ZNF106: variants seen among roughly 807,000 people sequenced by gnomAD.
The protein encoded by ZNF106 is zinc finger protein 106.
A neutral mutation model predicts 195.1 loss-of-function variants in ZNF106; 67 were observed. The ratio of observed to expected loss-of-function variants is 0.34; its 90% CI spans 0.28 to 0.42. ZNF106 has a LOEUF of 0.42. ZNF106 is among the 10% of genes least tolerant of loss of function. The pLI is 1.00. For synonymous variants in ZNF106, 784 were observed against 818.6 expected, an observed-to-expected ratio of 0.96 and a Z score of 0.72; for missense variants, 2,118 against 2,304.5, an observed-to-expected ratio of 0.92 and a Z score of 1.66.
At chr15:42,428,505 T>G (rs544410821) in intron 14 of ZNF106, among the ~76,000 whole-genome samples, 1 of 152,322 alleles carries the variant, frequency 6.6e-6, no homozygotes, top group East Asian at 1.9e-4. Context: ...AGTTATATAT[T>G]TGATAAATGC....
intron 21 of ZNF106, among the ~76,000 whole-genome samples, 193 bp downstream of exon 21, chr15:42,417,612 G>A (rs576086357): frequency 2.6e-5 from 4 of 151,986 alleles, no homozygotes; most frequent in African/African-American, 9.7e-5. Context: ...TTCTCTTTAG[G>A]CCCTTTCTCA....
At chr15:42,456,343 T>C (rs746636815) in intron 4 of ZNF106, among the ~76,000 whole-genome samples, 4 of 152,174 alleles carry the variant, frequency 2.6e-5, no homozygotes, top group Non-Finnish European at 2.9e-5. Flanking sequence ...AAAAACTTAT[T>C]GGTATTCAAA....
In ZNF106 at chr15:42,425,012, A is replaced by G. The variant is rs1270821396; in HGVS notation, c.5012T>C (p.Leu1671Pro). The stretch of plus-strand genomic sequence containing the variant: ...AGGGCCATGGCATTCAAAGATCTCA[A>G]GTCGTTTGTTGTTCTGGAAAATAAG... ...VTFNIKNNKR[L>P]EIFECHGPRA... Residue 1671 changes from leucine to proline, a missense_variant, in exon 16 of 22, where the codon CTT (leucine) becomes CCT (proline). Physicochemically the swap from Leu to Pro is moderately conservative, Grantham distance 98 (BLOSUM62 -3). Transcript: ENST00000564754. 1 of 1,614,024 alleles carries G rather than the reference A, an allele frequency of 6.2e-7. No homozygotes were observed.
At chr15:42,464,683 T>C (rs1342307562) in intron 3 of ZNF106, among the ~76,000 whole-genome samples, 1 of 151,976 alleles carries the variant, frequency 6.6e-6, no homozygotes, top group Non-Finnish European at 1.5e-5. Context: ...CATACCACTA[T>C]GCCCAGCTAA....
Position 42,433,004 on chromosome 15 carries a change from T to C in ZNF106, c.4881+2380A>G, listed in dbSNP as rs367892082. Among the ~76,000 whole-genome samples, 5 of 152,240 alleles carry C rather than the reference T, an allele frequency of 3.3e-5. No homozygotes were observed. In the South Asian group the frequency reaches 8.3e-4, roughly 25 times the overall value. On this transcript the variant is annotated intron_variant, in intron 14 of 21. Coordinates refer to ENST00000564754, the MANE Select transcript of ZNF106 (RefSeq NM_001366845.3). ...TCACATTTCATATAATTATTAAATA[T>C]GGGTAAATTTAGGTCTCCAATTTGC...
intron 10 of ZNF106, 104 bp downstream of exon 10, chr15:42,441,969 T>C: frequency 3.6e-6 from 3 of 831,768 alleles, no homozygotes; most frequent in Non-Finnish European, 5.7e-6. Context: ...TAGTTGTACT[T>C]GCTCATTTTA....
intron 1 of ZNF106, among the ~76,000 whole-genome samples, chr15:42,485,395 C>T (rs2056990366): frequency 6.6e-6 from 1 of 152,202 alleles, no homozygotes; most frequent in Admixed American, 6.5e-5. Flanking sequence ...CAATATCATG[C>T]TGTTACAACA....
chr15:42,430,355 TG>T (rs2055005549), intron 14 of ZNF106, among the ~76,000 whole-genome samples: 1 of 152,054 alleles, frequency 6.6e-6, no homozygotes, highest in African/African-American at 2.4e-5. Flanking sequence ...GCTTGTTTTT[TG>T]TCAATGTATG....
chr15:42,437,126 C>G, intron 13 of ZNF106, 106 bp downstream of exon 13: 2 of 1,227,002 alleles, frequency 1.6e-6, no homozygotes, highest in Non-Finnish European at 2.3e-6. Flanking sequence ...TCAGGCCCAC[C>G]CCTTCCTTCA....
chr15:42,464,522 CTTTT>C (rs928173954), intron 3 of ZNF106, among the ~76,000 whole-genome samples: 4 of 113,466 alleles, frequency 3.5e-5, no homozygotes, highest in South Asian at 5.8e-4. Context: ...ACACATGCTA[CTTTT>C]TTTTTTTTTT....
chr15:42,448,824 G>GCC (rs2055872154), intron 5 of ZNF106, 119 bp from the exon 6 acceptor site: 3 of 984,990 alleles, frequency 3.0e-6, no homozygotes, highest in Non-Finnish European at 4.4e-6. Flanking sequence ...GGTGGCTCTT[G>GCC]CCTTCAAGGG....
chr15:42,447,983 T>C lies in ZNF106; in HGVS notation c.3135+89A>G, dbSNP rs2055832646. The C allele has an allele frequency of 2.8e-6, 4 of 1,415,138 alleles. 1 individual carries two copies. In the East Asian group the frequency reaches 9.2e-5, roughly 32 times the overall value. The allele number at this position is 1,415,138 out of a possible 1,614,324, so 87.7% of individuals were successfully genotyped here. On this transcript the variant is annotated intron_variant, in intron 6 of 21. Coordinates refer to ENST00000564754, the MANE Select transcript of ZNF106 (RefSeq NM_001366845.3). Reference sequence around the variant, plus strand: ...AAGTTGAGAGAATCACAATCCCAGATACCCAAGAAAAACAGTTGAACCTTT... The same window carrying C: ...AAGTTGAGAGAATCACAATCCCAGACACCCAAGAAAAACAGTTGAACCTTT...
At chr15:42,436,695 T>A (rs2055285411) in intron 13 of ZNF106, among the ~76,000 whole-genome samples, 1 of 152,222 alleles carries the variant, frequency 6.6e-6, no homozygotes, top group Non-Finnish European at 1.5e-5. Context: ...TGTGAGGCAG[T>A]GGAAAAGTGT....
chr15:42,482,361 T>C (rs2056916496), intron 1 of ZNF106, among the ~76,000 whole-genome samples: 1 of 152,170 alleles, frequency 6.6e-6, no homozygotes. Context: ...AGTTTTGGAA[T>C]ATATCCTGGA....
chr15:42,481,710 A>G (rs2056904595), intron 1 of ZNF106, among the ~76,000 whole-genome samples: 1 of 151,958 alleles, frequency 6.6e-6, no homozygotes, highest in African/African-American at 2.4e-5. Flanking sequence ...CTGGGCTGAC[A>G]TGTTTTTTCC....
At chr15:42,444,312 C>T in intron 8 of ZNF106, 50 bp from the exon 9 acceptor site, 1 of 1,417,264 alleles carries the variant, frequency 7.1e-7, no homozygotes, top group South Asian at 1.2e-5. Flanking sequence ...CTTGTAAGGT[C>T]CTCTAGGTCT....
intron 1 of ZNF106, among the ~76,000 whole-genome samples, chr15:42,480,587 G>GT (rs902994536): frequency 2.2e-4 from 34 of 152,150 alleles, no homozygotes; most frequent in African/African-American, 7.5e-4. Flanking sequence ...TTTTCTACTA[G>GT]TTTTTTTTTA....
chr15:42,451,819 T>C lies in ZNF106; in HGVS notation c.453A>G (p.Pro151=). ...SQPAWHHRGP[P]QRDWKWEKDG... The stretch of plus-strand genomic sequence containing the variant: ...CTTTTTCCCATTTCCAATCCCGCTG[T>C]GGAGGTCCACGATGATGCCATGCAG... Residue 151 remains proline (P), a synonymous_variant, in exon 5 of 22, where the codon CCA becomes CCG. Transcript: ENST00000564754. 6.2e-7 allele frequency: 1 copy of C among 1,614,228 alleles called. No individual in the cohort carries two copies. Among genetic ancestry groups the C allele is most frequent in the Non-Finnish European group, 8.5e-7 (1 of 1,180,028 alleles).
Position 42,424,067 on chromosome 15 carries a change from G to A in ZNF106, c.5191-7C>T, listed in dbSNP as rs746059192. 8 of 1,610,840 alleles carry A rather than the reference G, an allele frequency of 5.0e-6. No homozygotes were observed. The East Asian group carries it at 1.8e-4, about 36-fold the overall frequency. On this transcript the variant is annotated splice_polypyrimidine_tract_variant and splice_region_variant and intron_variant, in intron 16 of 21. Transcript: ENST00000564754. ...ACACGAGATCATTCACCACCTTAAA[G>A]AAAAAATTAAACAAGTCAGATTCTG...
Sources: allele counts gnomAD v4.1 joint callset (sites outside exome capture counted in the v4.1 genomes callset), GRCh38; gene constraint gnomAD v4.1.1; transcripts MANE v1.5; gene names NCBI Gene and HGNC (gene_info 2026-07-23, HGNC 2026-07-21).